Variants in THAP8 observed in about 807,000 individuals in gnomAD.
The protein encoded by THAP8 is THAP domain containing 8, also known as THAP domain-containing protein 8.
Under a neutral mutation model 25.0 loss-of-function variants are expected in THAP8, and 24 were observed. The observed-to-expected ratio is 0.96, with a 90% CI of 0.69 to 1.35. The LOEUF (loss-of-function observed/expected upper bound fraction) is 1.35, where lower values mean the gene tolerates loss of function less well. Ranked by LOEUF, THAP8 falls within the 40% of genes most tolerant of loss-of-function variation. The pLI, the probability that THAP8 is intolerant of heterozygous loss-of-function variation, is 0.00. For synonymous variants in THAP8, 169 were observed against 157.6 expected (o/e 1.07, Z -0.54); for missense variants, 399 against 368.8 (o/e 1.08, Z -0.67).
intron 1 of THAP8, among the ~76,000 whole-genome samples, chr19:36,052,876 C>A (rs1970094035): frequency 6.6e-6 from 1 of 152,176 alleles, no homozygotes; most frequent in Non-Finnish European, 1.5e-5. Flanking sequence ...AAGCAGTAGA[C>A]ACTCAAAGGA....
chr19:36,039,869 G>C, intron 2 of THAP8, 75 bp downstream of exon 2: 1 of 1,599,118 alleles, frequency 6.3e-7, no homozygotes, highest in African/African-American at 1.3e-5. Flanking sequence ...CCAAAGTTCA[G>C]ACTCAAGGAG....
intron 1 of THAP8, among the ~76,000 whole-genome samples, chr19:36,052,080 C>A (rs2145462611): frequency 6.6e-6 from 1 of 151,442 alleles, no homozygotes; most frequent in East Asian, 1.9e-4. Flanking sequence ...AAGTCTCACT[C>A]TGTCGCCAGG....
At chr19:36,054,035 C>G in intron 1 of THAP8, 100 bp downstream of exon 1, 1 of 1,376,618 alleles carries the variant, frequency 7.3e-7, no homozygotes, top group South Asian at 1.2e-5. Context: ...TCCTAACACC[C>G]TCAAGCAAGA....
In THAP8 at chr19:36,035,379, T is replaced by C. The variant is rs899236805; in HGVS notation, c.*61A>G. On this transcript the variant is annotated 3_prime_UTR_variant, in exon 4 of 4. Coordinates refer to ENST00000292894, the MANE Select transcript of THAP8 (RefSeq NM_152658.3). ...GCGGTGGGGCTGGGCCAAGCCCACGTATAATGTCTTTCCTCCTCCATCTTC... is the reference window on the plus strand; with the variant it reads ...GCGGTGGGGCTGGGCCAAGCCCACGCATAATGTCTTTCCTCCTCCATCTTC... 56 of 1,573,600 alleles carry C rather than the reference T, an allele frequency of 3.6e-5. No individual in the cohort carries two copies. The African/African-American group carries it at 6.7e-4, about 19-fold the overall frequency.
intron 1 of THAP8, among the ~76,000 whole-genome samples, chr19:36,049,425 A>G (rs764755480): frequency 6.6e-6 from 1 of 151,364 alleles, no homozygotes; most frequent in Non-Finnish European, 1.5e-5. Flanking sequence ...GCAGGATTTC[A>G]AGTTATTTCC....
At chr19:36,046,750 G>A (rs766130399) in intron 1 of THAP8, among the ~76,000 whole-genome samples, 4 of 152,192 alleles carry the variant, frequency 2.6e-5, no homozygotes, top group East Asian at 1.9e-4. Context: ...TGGACTACTC[G>A]TATCTACTCT....
intron 1 of THAP8, among the ~76,000 whole-genome samples, chr19:36,051,841 G>GT (rs1173679278): frequency 3.9e-5 from 6 of 152,146 alleles, no homozygotes; most frequent in African/African-American, 1.4e-4. Context: ...ACAGCAGGAG[G>GT]TGAGTGGCAG....
rs184253260 is a variant in THAP8, at chr19:36,043,621, C to G, written c.84-3485G>C. 5.3e-4 allele frequency among the ~76,000 whole-genome samples: 81 copies of G among 152,222 alleles called. 1 individual carries two copies. The East Asian group carries it at 0.015, about 28-fold the overall frequency. ...GTGGCTCACGCCTGTAATCCCAGCACTTTGGGAGGCCGAGGTGGGCGGATC... is the reference window on the plus strand; with the variant it reads ...GTGGCTCACGCCTGTAATCCCAGCAGTTTGGGAGGCCGAGGTGGGCGGATC... On this transcript the variant is annotated intron_variant, in intron 1 of 3. Coordinates refer to ENST00000292894, the MANE Select transcript of THAP8 (RefSeq NM_152658.3).
chr19:36,047,020 CTT>C (rs1488127441), intron 1 of THAP8, among the ~76,000 whole-genome samples: 1 of 152,192 alleles, frequency 6.6e-6, no homozygotes, highest in Non-Finnish European at 1.5e-5. Flanking sequence ...CTTACTCTCT[CTT>C]GTTCCTCTGG....
Position 36,041,918 on chromosome 19 carries a change from G to A in THAP8, c.84-1782C>T, listed in dbSNP as rs186132541. 3.6e-3 allele frequency among the ~76,000 whole-genome samples: 548 copies of A among 152,032 alleles called. 7 individuals are homozygous for A. The highest frequency in any genetic ancestry group is 2.2e-3 in the Non-Finnish European group (149 of 67,974). On this transcript the variant is annotated intron_variant, in intron 1 of 3. Coordinates refer to ENST00000292894, the MANE Select transcript of THAP8 (RefSeq NM_152658.3). Reference sequence around the variant, plus strand: ...CAATGTAGCAAGACCTTGTCTCTACGAAAAAATATTTTTTAAATTAGCTGG... The same window carrying A: ...CAATGTAGCAAGACCTTGTCTCTACAAAAAAATATTTTTTAAATTAGCTGG...
rs778244525 is a variant in THAP8, at chr19:36,039,339, C to T, written c.656G>A (p.Arg219Gln). The T allele has an allele frequency of 1.1e-5, 17 of 1,515,862 alleles. No homozygotes were observed. Among genetic ancestry groups the T allele is most frequent in the South Asian group, 8.6e-5 (7 of 81,144 alleles). 93.9% of individuals were successfully genotyped at this position (1,515,862 alleles called of 1,614,324 possible). A position where few individuals can be genotyped will look rare whatever the true frequency, so the allele number is the denominator to read the frequency against. ...GCCACTCACCAGGCGCTGCAGACCC[C>T]GGCGTGCCCGTGCCAGCAGGCTCTC... Reference protein sequence around the residue: ...HGESLLARARRGLQRLTTAQT... With the variant: ...HGESLLARARQGLQRLTTAQT... Residue 219 changes from arginine (R) to glutamine (Q), a missense_variant, in exon 3 of 4, where the codon CGG becomes CAG. By Grantham distance (43) the Arg-to-Gln change is conservative. Coordinates refer to ENST00000292894, the MANE Select transcript of THAP8 (RefSeq NM_152658.3).
intron 1 of THAP8, among the ~76,000 whole-genome samples, chr19:36,048,110 C>CT (rs2145452735): frequency 6.6e-6 from 1 of 152,318 alleles, no homozygotes; most frequent in African/African-American, 2.4e-5. Context: ...GGGTGATTCA[C>CT]TCCACTTTCT....
At position 36,040,202 on chromosome 19, in the gene THAP8, C is replaced by T. The variant is rs575665418; in HGVS notation, c.84-66G>A. On this transcript the variant is annotated intron_variant, in intron 1 of 3. Transcript: ENST00000292894. ...TCAGACTTATCCCTCCCAGAGGATA[C>T]CCACCCTGGAGGTCTCTGGGCTCCA... is the stretch of plus-strand genomic sequence containing the variant. 4.1e-6 allele frequency: 6 copies of T among 1,478,214 alleles called. No individual in the cohort carries two copies. The East Asian group carries it at 9.8e-5, about 24-fold the overall frequency. 91.6% of individuals were successfully genotyped at this position (1,478,214 alleles called of 1,614,324 possible).
intron 1 of THAP8, among the ~76,000 whole-genome samples, chr19:36,050,149 T>C (rs112714000): frequency 0.012 from 1,788 of 152,172 alleles, 16 homozygotes; most frequent in South Asian, 0.041. Context: ...TCCTTATTTC[T>C]TATTTATTTA....
intron 1 of THAP8, among the ~76,000 whole-genome samples, chr19:36,052,416 C>G (rs983036274): frequency 3.3e-5 from 5 of 152,220 alleles, no homozygotes; most frequent in Non-Finnish European, 7.3e-5. Flanking sequence ...TCCCCCAACC[C>G]TATCCCATCC....
At chr19:36,054,069 T>G (rs971581760) in intron 1 of THAP8, 66 bp downstream of exon 1, 1 of 1,548,592 alleles carries the variant, frequency 6.5e-7, no homozygotes, top group African/African-American at 1.4e-5. Context: ...ACAGCAGCAC[T>G]AATGCTCGGG....
chr19:36,039,915 T>C (rs767107232), intron 2 of THAP8, 29 bp downstream of exon 2: 2 of 1,610,758 alleles, frequency 1.2e-6, no homozygotes, highest in Non-Finnish European at 1.7e-6. Context: ...GGGGGTTGGA[T>C]TCCAGCAGCA....
At chr19:36,047,767 TTGCAGTGAGCTGAGACTGTGCCAC>T (rs1348911237) in intron 1 of THAP8, among the ~76,000 whole-genome samples, 1 of 151,918 alleles carries the variant, frequency 6.6e-6, no homozygotes, top group Non-Finnish European at 1.5e-5. Context: ...GAGGTGGAAG[TTGCAGTGAGCTGAGACTGTGCCAC>T]TGCATTCCAG....
chr19:36,039,224 G>A (rs1969589530), intron 3 of THAP8, 99 bp downstream of exon 3: 3 of 1,373,654 alleles, frequency 2.2e-6, no homozygotes, highest in South Asian at 1.6e-5. Flanking sequence ...ACGGCTGAAT[G>A]TTCTGATTTT....
Sources: allele counts gnomAD v4.1 joint callset (sites outside exome capture counted in the v4.1 genomes callset), GRCh38; gene constraint gnomAD v4.1.1; transcripts MANE v1.5; gene names NCBI Gene and HGNC (gene_info 2026-07-23, HGNC 2026-07-21).